SLC23A2: variants seen among roughly 807,000 people sequenced by gnomAD.
SLC23A2 encodes the protein Na(+)/L-ascorbic acid transporter 2.
In SLC23A2, 36 loss-of-function variants were observed where a neutral mutation model predicts 73.3. The observed-to-expected ratio is 0.49, with a 90% CI of 0.38 to 0.65. The LOEUF is 0.65. Ranked by LOEUF, SLC23A2 falls within the 30% of genes least tolerant of loss-of-function variation. SLC23A2 has a pLI of 0.00. For synonymous variants in SLC23A2, 343 were observed against 327.3 expected (o/e 1.05, Z -0.52); for missense variants, 507 against 841.6 (o/e 0.60, Z 4.92).
At chr20:4,873,798 T>C in intron 11 of SLC23A2, 138 bp downstream of exon 11, 1 of 759,336 alleles carries the variant, frequency 1.3e-6, no homozygotes, top group Non-Finnish European at 2.1e-6. Context: ...CCTTACTTGC[T>C]GTCTAATCCT....
At chr20:4,873,321 G>GT (rs1930524216) in intron 11 of SLC23A2, among the ~76,000 whole-genome samples, 1 of 152,164 alleles carries the variant, frequency 6.6e-6, no homozygotes, top group African/African-American at 2.4e-5. Flanking sequence ...AACCAAGTGT[G>GT]TAACAACCAC....
intron 1 of SLC23A2, among the ~76,000 whole-genome samples, chr20:4,986,900 A>G (rs1190190473): frequency 6.6e-6 from 1 of 152,154 alleles, no homozygotes; most frequent in Non-Finnish European, 1.5e-5. Flanking sequence ...TGACCCTGGT[A>G]TCTACTTTGG....
chr20:4,959,802 G>C (rs2087351390), intron 2 of SLC23A2, among the ~76,000 whole-genome samples: 1 of 152,046 alleles, frequency 6.6e-6, no homozygotes, highest in Non-Finnish European at 1.5e-5. Flanking sequence ...TTTATTTTTA[G>C]ACACAGGGTC....
At chr20:5,001,673 C>T (rs2088130247), upstream of SLC23A2, among the ~76,000 whole-genome samples, 4 of 151,120 alleles carry the variant, frequency 2.6e-5, no homozygotes, top group Admixed American at 2.6e-4. Flanking sequence ...CATCCCGGGC[C>T]TCGCACCCAG....
chr20:4,933,434 T>C (rs1192012693), intron 2 of SLC23A2, among the ~76,000 whole-genome samples: 1 of 150,404 alleles, frequency 6.6e-6, no homozygotes, highest in Non-Finnish European at 1.5e-5. Context: ...GCCAACATAG[T>C]GAAACCCCGT....
intron 9 of SLC23A2, among the ~76,000 whole-genome samples, chr20:4,881,235 A>G (rs1930871078): frequency 6.6e-6 from 1 of 152,218 alleles, no homozygotes; most frequent in Non-Finnish European, 1.5e-5. Flanking sequence ...GTCTTGTGTA[A>G]CAGTAAGTGG....
Position 4,873,946 on chromosome 20 carries a change from A to T in SLC23A2, c.1092T>A (p.Val364=). Residue 364 remains valine (V), a synonymous_variant, in exon 11 of 17, where the codon GTT becomes GTA. Transcript: ENST00000338244. ...CATCAGAATACTTACATGGGTATGG[A>T]ACCTTAAACCACGGGGCTACCAGAA... ...GVLLVAPWFK[V]PYPFQWGLPT... 1 of 1,613,536 alleles carries T rather than the reference A, an allele frequency of 6.2e-7. No homozygotes were observed. The highest frequency in any genetic ancestry group is 8.5e-7 in the Non-Finnish European group (1 of 1,179,650).
intron 3 of SLC23A2, among the ~76,000 whole-genome samples, chr20:4,927,611 C>T (rs1259705554): frequency 6.6e-6 from 1 of 152,188 alleles, no homozygotes; most frequent in Non-Finnish European, 1.5e-5. Flanking sequence ...CATCATCTTC[C>T]ATCTTCCCCA....
chr20:4,942,365 C>T (rs1014070263), intron 2 of SLC23A2, among the ~76,000 whole-genome samples: 24 of 128,092 alleles, frequency 1.9e-4, no homozygotes, highest in African/African-American at 7.6e-4. Flanking sequence ...CAGGAAATCG[C>T]TACAGTCTCA....
At chr20:4,987,464 T>G (rs1019964389) in intron 1 of SLC23A2, among the ~76,000 whole-genome samples, 3 of 152,142 alleles carry the variant, frequency 2.0e-5, no homozygotes, top group Non-Finnish European at 4.4e-5. Context: ...AACAAAAATT[T>G]AGAGAATTAT....
chr20:4,958,509 CA>C (rs990448064), intron 2 of SLC23A2, among the ~76,000 whole-genome samples: 1 of 152,014 alleles, frequency 6.6e-6, no homozygotes, highest in Non-Finnish European at 1.5e-5. Context: ...TTCTTAGCAA[CA>C]AAATACATTT....
intron 2 of SLC23A2, among the ~76,000 whole-genome samples, chr20:4,970,147 C>A (rs1404127835): frequency 6.6e-6 from 1 of 152,046 alleles, no homozygotes; most frequent in African/African-American, 2.4e-5. Flanking sequence ...AGGTACTCAA[C>A]AAATTTTTGC....
At chr20:5,003,200 G>A (rs1469890510), upstream of SLC23A2, among the ~76,000 whole-genome samples, 1 of 152,096 alleles carries the variant, frequency 6.6e-6, no homozygotes, top group Non-Finnish European at 1.5e-5. Flanking sequence ...TGGCAAACAC[G>A]GTGAAACCCC....
chr20:4,994,810 C>T (rs1162014070), intron 1 of SLC23A2, among the ~76,000 whole-genome samples: 2 of 150,810 alleles, frequency 1.3e-5, no homozygotes, highest in African/African-American at 4.9e-5. Context: ...TTGCAGTGAC[C>T]GTAATCCCAA....
At chr20:4,926,488 T>C (rs1932673406) in intron 3 of SLC23A2, among the ~76,000 whole-genome samples, 1 of 151,288 alleles carries the variant, frequency 6.6e-6, no homozygotes, top group Non-Finnish European at 1.5e-5. Flanking sequence ...TAGGGTACGA[T>C]CGTTCATCAG....
At chr20:4,989,485 T>C (rs1033436327) in intron 1 of SLC23A2, among the ~76,000 whole-genome samples, 1 of 152,074 alleles carries the variant, frequency 6.6e-6, no homozygotes, top group East Asian at 1.9e-4. Flanking sequence ...ACACATAGCC[T>C]GAAGGTAATT....
rs16990319 is a variant in SLC23A2, at chr20:4,858,910, A to G, written c.1720+379T>C. On this transcript the variant is annotated intron_variant, in intron 16 of 16. Coordinates refer to ENST00000338244, the MANE Select transcript of SLC23A2 (RefSeq NM_005116.6). ...CATTTAAGGGACAGTCTCCCCAAGCAGAAGTGCCACGGGCTGTGCCCACCT... is the reference window on the plus strand; with the variant it reads ...CATTTAAGGGACAGTCTCCCCAAGCGGAAGTGCCACGGGCTGTGCCCACCT... 8.7e-3 allele frequency among the ~76,000 whole-genome samples: 1,322 copies of G among 152,226 alleles called. 20 individuals carry two copies. Among genetic ancestry groups the G allele is most frequent in the African/African-American group, 0.027 (1,127 of 41,542 alleles).
chr20:4,995,796 G>A (rs1842343558), intron 1 of SLC23A2, among the ~76,000 whole-genome samples: 1 of 152,168 alleles, frequency 6.6e-6, no homozygotes, highest in Non-Finnish European at 1.5e-5. Flanking sequence ...CTCAGCTGTA[G>A]GATGAAAAGC....
At chr20:4,973,155 G>A (rs1036977428) in intron 1 of SLC23A2, among the ~76,000 whole-genome samples, 2 of 152,226 alleles carry the variant, frequency 1.3e-5, no homozygotes, top group African/African-American at 4.8e-5. Context: ...GGGCTGGCAA[G>A]GATACAGATC....
Sources: allele counts gnomAD v4.1 joint callset (sites outside exome capture counted in the v4.1 genomes callset), GRCh38; gene constraint gnomAD v4.1.1; transcripts MANE v1.5; gene names NCBI Gene and HGNC (gene_info 2026-07-23, HGNC 2026-07-21).